Variants in CRISPLD2 observed in about 807,000 individuals in gnomAD.
The protein encoded by CRISPLD2 is cysteine-rich secretory protein LCCL domain-containing 2.
A neutral mutation model predicts 71.1 loss-of-function variants in CRISPLD2; 47 were observed. The ratio of observed to expected loss-of-function variants is 0.66; its 90% CI spans 0.52 to 0.84. CRISPLD2 has a LOEUF of 0.84. Ranked by LOEUF, CRISPLD2 falls within the 40% of genes least tolerant of loss-of-function variation. The pLI is 0.00. For missense variants in CRISPLD2, 830 were observed against 651.1 expected (o/e 1.27, Z -2.99); for synonymous variants, 317 against 250.1 (o/e 1.27, Z -2.52).
At chr16:84,899,836 C>T (rs1200336718) in intron 14 of CRISPLD2, among the ~76,000 whole-genome samples, 3 of 152,112 alleles carry the variant, frequency 2.0e-5, no homozygotes, top group Non-Finnish European at 4.4e-5. Flanking sequence ...CCCACTGCAC[C>T]GTCCATAGAA....
Position 84,873,893 on chromosome 16 carries a change from GTTT to G in CRISPLD2, c.1113-9_1113-7del, listed in dbSNP as rs10600678. On this transcript the variant is annotated intron_variant, in intron 10 of 14. Coordinates refer to ENST00000262424, the MANE Select transcript of CRISPLD2 (RefSeq NM_031476.4). ...TTCTATTTGCATTTACCTAATGCCC[GTTT>G]TTTTTTTTTTTTTTTTTAAACAGCA... The G allele has an allele frequency of 0.036, 50,238 of 1,393,128 alleles. 26 individuals are homozygous for G. Among genetic ancestry groups the G allele is most frequent in the East Asian group, 0.086 (3,399 of 39,436 alleles). The allele number at this position is 1,393,128 out of a possible 1,614,324, so 86.3% of individuals were successfully genotyped here. A position where few individuals can be genotyped will look rare whatever the true frequency, so the allele number is the denominator to read the frequency against.
intron 9 of CRISPLD2, 45 bp downstream of exon 9, chr16:84,872,553 G>T: frequency 6.6e-7 from 1 of 1,506,228 alleles, no homozygotes; most frequent in African/African-American, 1.4e-5. Flanking sequence ...GTGGGATCCT[G>T]TTGCATATGT....
In CRISPLD2 at chr16:84,907,049, C is replaced by T. The variant is rs1290799567; in HGVS notation, c.*407C>T. The T allele has an allele frequency of 1.4e-5, 3 of 212,050 alleles. No individual in the cohort carries two copies. Among genetic ancestry groups the T allele is most frequent in the African/African-American group, 2.4e-5 (1 of 42,446 alleles). The allele number at this position is 212,050 out of a possible 1,614,324, so 13.1% of individuals were successfully genotyped here. On this transcript the variant is annotated 3_prime_UTR_variant, in exon 15 of 15. Coordinates refer to ENST00000262424, the MANE Select transcript of CRISPLD2 (RefSeq NM_031476.4). ...GCTCACAATTGTGAAGCATTCACGG[C>T]GTCGGAAGAGGCCTTTTGAGCAAGC...
intron 1 of CRISPLD2, among the ~76,000 whole-genome samples, chr16:84,830,282 A>G (rs1209482713): frequency 6.6e-6 from 1 of 152,232 alleles, no homozygotes; most frequent in Non-Finnish European, 1.5e-5. Flanking sequence ...TGATTGCACC[A>G]CTGCACTCTA....
At chr16:84,883,660 C>T (rs2071587287) in intron 13 of CRISPLD2, among the ~76,000 whole-genome samples, 1 of 152,150 alleles carries the variant, frequency 6.6e-6, no homozygotes. Context: ...CCAACAAGTT[C>T]CCAGGTGAAC....
At chr16:84,885,087 A>T (rs571971506) in intron 13 of CRISPLD2, among the ~76,000 whole-genome samples, 13 of 152,238 alleles carry the variant, frequency 8.5e-5, no homozygotes, top group Non-Finnish European at 1.6e-4. Flanking sequence ...TCTGGCTCCA[A>T]TCAACCATTG....
intron 14 of CRISPLD2, among the ~76,000 whole-genome samples, chr16:84,893,976 A>G (rs997546974): frequency 2.0e-5 from 3 of 152,202 alleles, no homozygotes; most frequent in Non-Finnish European, 1.5e-5. Flanking sequence ...GTTCACAGCA[A>G]ACTGTACTTT....
chr16:84,896,341 G>A (rs1163869569), intron 14 of CRISPLD2, among the ~76,000 whole-genome samples: 1 of 151,954 alleles, frequency 6.6e-6, no homozygotes, highest in Non-Finnish European at 1.5e-5. Flanking sequence ...GAGCCACCGT[G>A]CCCAGCCAGG....
chr16:84,822,757 A>G (rs763132823), intron 1 of CRISPLD2, among the ~76,000 whole-genome samples: 1 of 152,140 alleles, frequency 6.6e-6, no homozygotes, highest in Non-Finnish European at 1.5e-5. Context: ...AGTCTTAAAT[A>G]GAGCACGCTG....
chr16:84,869,004 C>T, intron 8 of CRISPLD2, 93 bp downstream of exon 8: 1 of 1,097,686 alleles, frequency 9.1e-7, no homozygotes, highest in South Asian at 1.5e-5. Flanking sequence ...GCTGGGCTGT[C>T]CTGCTGTTGC....
At chr16:84,900,906 C>G (rs1205764934) in intron 14 of CRISPLD2, among the ~76,000 whole-genome samples, 1 of 151,678 alleles carries the variant, frequency 6.6e-6, no homozygotes, top group African/African-American at 2.4e-5. Flanking sequence ...GAAAATTAAC[C>G]AGGCATGGTG....
At chr16:84,853,476 G>C (rs1917145707) in intron 5 of CRISPLD2, among the ~76,000 whole-genome samples, 2 of 152,316 alleles carry the variant, frequency 1.3e-5, no homozygotes, top group South Asian at 4.1e-4. Flanking sequence ...ACAGTGCCCA[G>C]TCAGACAGTG....
intron 6 of CRISPLD2, among the ~76,000 whole-genome samples, chr16:84,855,365 G>A (rs1008806145): frequency 1.3e-5 from 2 of 152,158 alleles, no homozygotes; most frequent in African/African-American, 2.4e-5. Context: ...GCAAGTTGAG[G>A]AACAAGAAAG....
At chr16:84,851,976 CTT>C (rs923444547) in intron 5 of CRISPLD2, among the ~76,000 whole-genome samples, 8 of 152,186 alleles carry the variant, frequency 5.3e-5, no homozygotes, top group Non-Finnish European at 1.2e-4. Context: ...ACACATCAGA[CTT>C]TTATGTCTCA....
In CRISPLD2 at chr16:84,849,156, C is replaced by A. The variant is rs1184021311; in HGVS notation, c.360-229C>A. The A allele has an allele frequency of 3.8e-6, 2 of 527,142 alleles. 1 individual carries two copies. Among genetic ancestry groups the A allele is most frequent in the South Asian group, 4.5e-5 (2 of 44,522 alleles). 32.7% of individuals were successfully genotyped at this position (527,142 alleles called of 1,614,324 possible). A position where few individuals can be genotyped will look rare whatever the true frequency, so the allele number is the denominator to read the frequency against. Reference sequence around the variant, plus strand: ...GGTGCTGCTGGAATTGAGGGTTATTCCCCCACCTCGGCCTCCCTCCCTCCT... The same window carrying A: ...GGTGCTGCTGGAATTGAGGGTTATTACCCCACCTCGGCCTCCCTCCCTCCT... On this transcript the variant is annotated intron_variant, in intron 3 of 14. Transcript: ENST00000262424.
At chr16:84,877,374 G>A in intron 11 of CRISPLD2, 64 bp from the exon 12 acceptor site, 6 of 1,495,488 alleles carry the variant, frequency 4.0e-6, no homozygotes, top group Non-Finnish European at 5.6e-6. Context: ...CCATTGCACA[G>A]CCTGGTAGCC....
intron 6 of CRISPLD2, among the ~76,000 whole-genome samples, chr16:84,857,907 C>G (rs1481082587): frequency 6.6e-6 from 1 of 152,196 alleles, no homozygotes; most frequent in African/African-American, 2.4e-5. Flanking sequence ...TGATGGAATG[C>G]TGCTGTGCAC....
In CRISPLD2 at chr16:84,877,429, T is replaced by C. The variant is rs140729826; in HGVS notation, c.1157-9T>C. The C allele has an allele frequency of 9.5e-3, 15,364 of 1,613,420 alleles. 159 individuals are homozygous for C. Among genetic ancestry groups the C allele is most frequent in the South Asian group, 0.032 (2,900 of 91,060 alleles). The stretch of plus-strand genomic sequence containing the variant: ...GACCTGACCCTTTCCCCCTTGCTCC[T>C]GTTCACAGTGCAGGATTTGGACTGC... On this transcript the variant is annotated splice_polypyrimidine_tract_variant and intron_variant, in intron 11 of 14. Transcript: ENST00000262424.
intron 1 of CRISPLD2, among the ~76,000 whole-genome samples, chr16:84,832,528 A>G (rs773740266): frequency 2.1e-4 from 32 of 152,242 alleles, no homozygotes; most frequent in Admixed American, 4.6e-4. Flanking sequence ...TTAGACATCG[A>G]CGCTTCGGCG....
Sources: allele counts gnomAD v4.1 joint callset (sites outside exome capture counted in the v4.1 genomes callset), GRCh38; gene constraint gnomAD v4.1.1; transcripts MANE v1.5; gene names NCBI Gene and HGNC (gene_info 2026-07-23, HGNC 2026-07-21).